The following CPED1 variants were observed in gnomAD, a reference collection of about 807,000 sequenced individuals.
CPED1 encodes cadherin like and PC-esterase domain containing 1.
CPED1 carries 114 observed loss-of-function variants against 128.2 expected under a neutral mutation model. The observed-to-expected ratio is 0.89, with a 90% CI of 0.76 to 1.04. The LOEUF is 1.04. Ranked by LOEUF, CPED1 falls within the 50% of genes least tolerant of loss-of-function variation. The pLI is 0.00. For missense variants in CPED1, 1,211 were observed against 1,207.1 expected (o/e 1.00, Z -0.05); for synonymous variants, 462 against 426.7 (o/e 1.08, Z -1.02).
rs1792024107 is a variant in CPED1 at position 121,261,795 on chromosome 7, C to T, written c.2311-4432C>T. 17 of 1,475,122 alleles carry T rather than the reference C, an allele frequency of 1.2e-5. No homozygotes were observed. The South Asian group carries it at 2.0e-4, about 17-fold the overall frequency. The allele number at this position is 1,475,122 out of a possible 1,614,324, so 91.4% of individuals were successfully genotyped here. The stretch of plus-strand genomic sequence containing the variant: ...AGTAATAAACTTTAATTGGGTTTGA[C>T]CTATTCCAAGTTTTTTGGGCTATCT... On this transcript the variant is annotated intron_variant, in intron 18 of 22. Transcript: ENST00000310396.
chr7:121,282,349 T>C (rs1792479103), intron 22 of CPED1, among the ~76,000 whole-genome samples: 1 of 152,138 alleles, frequency 6.6e-6, no homozygotes, highest in Non-Finnish European at 1.5e-5. Flanking sequence ...TCTTTCAAAG[T>C]CACATTCCAG....
In CPED1 at chr7:121,297,284, C is replaced by T. The variant is rs1792841664; in HGVS notation, c.*1632C>T. The T allele has an allele frequency of 6.6e-6, 1 of 152,012 alleles. No homozygotes were observed. Among genetic ancestry groups the T allele is most frequent in the Non-Finnish European group, 1.5e-5 (1 of 67,946 alleles). The allele number at this position is 152,012 out of a possible 1,614,324, so 9.4% of individuals were successfully genotyped here. A position where few individuals can be genotyped will look rare whatever the true frequency, so the allele number is the denominator to read the frequency against. On this transcript the variant is annotated 3_prime_UTR_variant, in exon 23 of 23. Transcript: ENST00000310396. ...ATCATGTTTTAACATACTGTATACT[C>T]TATAGCAGTATTACAGTCAGTATTT...
At chr7:121,094,350 A>G (rs1282598004) in intron 5 of CPED1, among the ~76,000 whole-genome samples, 2 of 152,204 alleles carry the variant, frequency 1.3e-5, no homozygotes, top group Non-Finnish European at 2.9e-5. Flanking sequence ...ATCAAATGCA[A>G]TATGAATTTG....
chr7:121,131,996 T>C (rs2116338771), intron 12 of CPED1, among the ~76,000 whole-genome samples: 1 of 151,342 alleles, frequency 6.6e-6, no homozygotes, highest in East Asian at 1.9e-4. Flanking sequence ...GCACGACAAG[T>C]TTGAAATATT....
At chr7:120,999,940 T>A (rs1050270722) in intron 2 of CPED1, among the ~76,000 whole-genome samples, 6 of 152,176 alleles carry the variant, frequency 3.9e-5, no homozygotes, top group African/African-American at 9.6e-5. Flanking sequence ...ATTTTATAAG[T>A]GTCATTCTCT....
chr7:121,200,397 T>G (rs1797370135), intron 16 of CPED1, among the ~76,000 whole-genome samples: 1 of 152,078 alleles, frequency 6.6e-6, no homozygotes, highest in African/African-American at 2.4e-5. Flanking sequence ...TAATTGGTCG[T>G]GAAATTGTTT....
chr7:121,009,290 G>A (rs1387638881), intron 2 of CPED1, among the ~76,000 whole-genome samples: 3 of 151,938 alleles, frequency 2.0e-5, no homozygotes, highest in Non-Finnish European at 2.9e-5. Context: ...AGAGAGAGAG[G>A]CTGAGGAAAA....
rs371975924 is a variant in CPED1 at position 121,295,702 on chromosome 7, G to A, written c.*50G>A. 14 of 1,530,894 alleles carry A rather than the reference G, an allele frequency of 9.1e-6. No individual in the cohort carries two copies. The highest frequency in any genetic ancestry group is 4.1e-5 in the African/African-American group (3 of 73,164). 94.8% of individuals were successfully genotyped at this position (1,530,894 alleles called of 1,614,324 possible). ...GGAGCTGGAGACGAGCTAGTCACCC[G>A]GACAATGGTCTAGGAGCCAAGCGCT... On this transcript the variant is annotated 3_prime_UTR_variant, in exon 23 of 23. Coordinates refer to ENST00000310396, the MANE Select transcript of CPED1 (RefSeq NM_024913.5).
chr7:121,068,872 A>T (rs1793922329), intron 5 of CPED1, among the ~76,000 whole-genome samples: 1 of 152,022 alleles, frequency 6.6e-6, no homozygotes, highest in African/African-American at 2.4e-5. Flanking sequence ...ATTCTCTTTG[A>T]AGCAATTGTG....
intron 4 of CPED1, among the ~76,000 whole-genome samples, chr7:121,049,869 C>T (rs1269252717): frequency 6.6e-6 from 1 of 152,190 alleles, no homozygotes; most frequent in African/African-American, 2.4e-5. Context: ...TTGGTTTTGT[C>T]ACATCTGGGG....
chr7:121,169,855 G>A (rs140547880), intron 16 of CPED1, among the ~76,000 whole-genome samples: 11 of 152,220 alleles, frequency 7.2e-5, no homozygotes, highest in South Asian at 2.1e-4. Context: ...TATTTTTTAC[G>A]TTGAAGGAAC....
In CPED1 at chr7:121,097,765, C is replaced by T. The variant is rs200465145; in HGVS notation, c.683C>T (p.Ser228Leu). ...DQGMQLKPST[S>L]SHLLKTVKPR... is the part of the protein sequence containing the mutation. Reference sequence around the variant, plus strand: ...GGAATGCAATTAAAGCCGAGTACTTCGAGTCACCTTTTAAAAACAGTGAAG... The same window carrying T: ...GGAATGCAATTAAAGCCGAGTACTTTGAGTCACCTTTTAAAAACAGTGAAG... The change falls in exon 6 of 23, where the codon TCG (serine) becomes TTG (leucine). Residue 228 changes from serine to leucine, a missense_variant. Physicochemically the swap from Ser to Leu is moderately radical, Grantham distance 145. Transcript: ENST00000310396. 1.5e-5 allele frequency: 24 copies of T among 1,613,780 alleles called. No homozygotes were observed. The highest frequency in any genetic ancestry group is 6.7e-5 in the Admixed American group (4 of 59,968).
At chr7:121,158,355 G>A (rs1295264506) in intron 16 of CPED1, among the ~76,000 whole-genome samples, 1 of 152,148 alleles carries the variant, frequency 6.6e-6, no homozygotes, top group Non-Finnish European at 1.5e-5. Flanking sequence ...AAGTCCATCT[G>A]TGATCACGAT....
intron 16 of CPED1, among the ~76,000 whole-genome samples, chr7:121,214,032 C>T (rs1278686321): frequency 6.6e-6 from 1 of 151,994 alleles, no homozygotes; most frequent in East Asian, 1.9e-4. Flanking sequence ...CCTTATCTTT[C>T]ATGATCTAGA....
intron 3 of CPED1, among the ~76,000 whole-genome samples, chr7:121,030,382 A>G (rs1198934590): frequency 6.6e-6 from 1 of 152,230 alleles, no homozygotes; most frequent in Non-Finnish European, 1.5e-5. Context: ...GTCCAAAAAT[A>G]TTAAATTGAA....
At chr7:121,183,273 G>A (rs1796936961) in intron 16 of CPED1, among the ~76,000 whole-genome samples, 1 of 152,018 alleles carries the variant, frequency 6.6e-6, no homozygotes, top group South Asian at 2.1e-4. Flanking sequence ...ATGACATATG[G>A]CAATAAAAAT....
chr7:121,072,137 C>T (rs752555401), intron 5 of CPED1, among the ~76,000 whole-genome samples: 5 of 150,444 alleles, frequency 3.3e-5, no homozygotes, highest in African/African-American at 7.4e-5. Context: ...TTCACACTAG[C>T]GCTTAAGCCA....
chr7:121,289,951 C>T (rs1792658484), intron 22 of CPED1, among the ~76,000 whole-genome samples: 2 of 152,156 alleles, frequency 1.3e-5, no homozygotes, highest in African/African-American at 2.4e-5. Flanking sequence ...TGCTATTCCT[C>T]TCCTTTCCCC....
At chr7:121,211,379 A>G (rs1366257430) in intron 16 of CPED1, among the ~76,000 whole-genome samples, 6 of 152,238 alleles carry the variant, frequency 3.9e-5, no homozygotes, top group African/African-American at 7.2e-5. Context: ...ACCTGTTGAA[A>G]TTAGCGAAGT....
Sources: allele counts gnomAD v4.1 joint callset (sites outside exome capture counted in the v4.1 genomes callset), GRCh38; gene constraint gnomAD v4.1.1; transcripts MANE v1.5; gene names NCBI Gene and HGNC (gene_info 2026-07-23, HGNC 2026-07-21).